DENND1B: variants seen among roughly 807,000 people sequenced by gnomAD.
DENND1B encodes the protein DENN domain containing 1B.
DENND1B carries 59 observed loss-of-function variants against 90.1 expected under a neutral mutation model. That is an observed-to-expected ratio of 0.65 (90% CI 0.53 to 0.81). The LOEUF (loss-of-function observed/expected upper bound fraction) is 0.81, where lower values mean the gene tolerates loss of function less well. Ranked by LOEUF, DENND1B falls within the 40% of genes least tolerant of loss-of-function variation. The probability of loss-of-function intolerance (pLI) is 0.00; values close to 1 mark genes in which losing one functional copy is unlikely to be tolerated. For missense variants in DENND1B, 862 were observed against 912.6 expected (o/e 0.94, Z 0.71); for synonymous variants, 337 against 324.6 (o/e 1.04, Z -0.41).
Position 197,643,276 on chromosome 1 carries a change from AC to A in DENND1B, c.562-456del, listed in dbSNP as rs965827776. Reference sequence around the variant, plus strand: ...TTCAGGTGATTTTCGTGCTTCAGCCACCAGAGTAGCTAGGATTACAGGTGCA... The same window carrying A: ...TTCAGGTGATTTTCGTGCTTCAGCCACAGAGTAGCTAGGATTACAGGTGCA... On this transcript the variant is annotated intron_variant, in intron 9 of 22. Coordinates refer to ENST00000620048, the MANE Select transcript of DENND1B (RefSeq NM_001195215.2). 4.7e-4 allele frequency among the ~76,000 whole-genome samples: 71 copies of A among 151,786 alleles called. 1 individual carries two copies. Among genetic ancestry groups the A allele is most frequent in the African/African-American group, 1.5e-3 (63 of 41,398 alleles).
chr1:197,704,597 A>G (rs1659341956), intron 3 of DENND1B, among the ~76,000 whole-genome samples: 1 of 152,190 alleles, frequency 6.6e-6, no homozygotes, highest in South Asian at 2.1e-4. Flanking sequence ...CTGAAATGCC[A>G]TGTCAGTTGT....
At chr1:197,653,782 T>C (rs1009720471) in intron 6 of DENND1B, among the ~76,000 whole-genome samples, 4 of 152,022 alleles carry the variant, frequency 2.6e-5, no homozygotes, top group Non-Finnish European at 5.9e-5. Context: ...AATTTATCAG[T>C]AAGAGTTACT....
chr1:197,516,169 A>G (rs1188591697), intron 20 of DENND1B, among the ~76,000 whole-genome samples: 1 of 151,902 alleles, frequency 6.6e-6, no homozygotes, highest in Non-Finnish European at 1.5e-5. Flanking sequence ...AAACAGAAGT[A>G]AAACTGATTA....
intron 7 of DENND1B, 107 bp from the exon 8 acceptor site, chr1:197,647,221 TA>T (rs749571730): frequency 1.1e-5 from 6 of 552,810 alleles, no homozygotes; most frequent in East Asian, 1.1e-4. Flanking sequence ...AGTTAGCCAC[TA>T]AAAAATACTT....
intron 1 of DENND1B, among the ~76,000 whole-genome samples, chr1:197,774,137 A>T (rs1255908499): frequency 6.6e-6 from 1 of 152,224 alleles, no homozygotes; most frequent in Non-Finnish European, 1.5e-5. Flanking sequence ...AATGTCAAGA[A>T]GCATACTATT....
intron 14 of DENND1B, among the ~76,000 whole-genome samples, chr1:197,592,625 T>C (rs1675335958): frequency 6.6e-6 from 1 of 151,908 alleles, no homozygotes; most frequent in Non-Finnish European, 1.5e-5. Context: ...TATAAGTAAA[T>C]GTGTGGAAGC....
At chr1:197,586,501 A>G (rs991932927) in intron 14 of DENND1B, among the ~76,000 whole-genome samples, 11 of 152,324 alleles carry the variant, frequency 7.2e-5, no homozygotes, top group Admixed American at 5.2e-4. Context: ...AAAATGTTTG[A>G]GAACCACTGA....
At chr1:197,630,243 T>C (rs769465261) in intron 10 of DENND1B, among the ~76,000 whole-genome samples, 1 of 152,100 alleles carries the variant, frequency 6.6e-6, no homozygotes. Flanking sequence ...CTCAGAGTAG[T>C]TAACTAATTA....
chr1:197,735,935 TAGAA>T, intron 2 of DENND1B: 1 of 1,490,314 alleles, frequency 6.7e-7, no homozygotes, highest in Non-Finnish European at 9.3e-7. Context: ...AACCTGAAGT[TAGAA>T]AGGCTCAACG....
At chr1:197,511,061 C>T (rs1260128132) in intron 22 of DENND1B, 89 bp from the exon 23 acceptor site, 25 of 1,253,550 alleles carry the variant, frequency 2.0e-5, no homozygotes, top group Admixed American at 3.5e-5. Context: ...ATGTTAATAG[C>T]GTTAAGTTCC....
chr1:197,719,145 G>A (rs1005098271), intron 2 of DENND1B, among the ~76,000 whole-genome samples: 2 of 152,132 alleles, frequency 1.3e-5, no homozygotes, highest in Non-Finnish European at 2.9e-5. Context: ...GAATGAGTGA[G>A]TATGATGAAA....
At chr1:197,669,363 A>C (rs1655261308) in intron 5 of DENND1B, among the ~76,000 whole-genome samples, 2 of 152,112 alleles carry the variant, frequency 1.3e-5, no homozygotes, top group African/African-American at 4.8e-5. Flanking sequence ...ACTCGGACTA[A>C]AAGCACCATA....
intron 2 of DENND1B, chr1:197,735,482 G>A: frequency 5.1e-6 from 8 of 1,559,078 alleles, no homozygotes; most frequent in Non-Finnish European, 5.2e-6. Context: ...TAGAAGAAGT[G>A]ATCTAAAGTT....
upstream of DENND1B, among the ~76,000 whole-genome samples, chr1:197,776,132 T>C (rs1558510789): frequency 6.6e-6 from 1 of 152,200 alleles, no homozygotes; most frequent in African/African-American, 2.4e-5. Context: ...TCTGGCAGTT[T>C]AGGCGAGTTC....
At chr1:197,679,077 G>T (rs542921585) in intron 3 of DENND1B, among the ~76,000 whole-genome samples, 3 of 151,844 alleles carry the variant, frequency 2.0e-5, no homozygotes, top group African/African-American at 7.2e-5. Flanking sequence ...TCACTATCAA[G>T]AATTTAAAAT....
At position 197,672,021 on chromosome 1, in the gene DENND1B, T is replaced by A; in HGVS notation, c.296+16A>T. The A allele has an allele frequency of 2.5e-6, 4 of 1,602,970 alleles. No individual in the cohort carries two copies. The highest frequency in any genetic ancestry group is 3.4e-6 in the Non-Finnish European group (4 of 1,175,318). ...TACCTATTTTGCATCTAATTTTTTT[T>A]ACTACAAATACTCACCTAAGGATGC... On this transcript the variant is annotated intron_variant, in intron 5 of 22. Transcript: ENST00000620048.
intron 18 of DENND1B, among the ~76,000 whole-genome samples, chr1:197,544,901 G>GA (rs1670634568): frequency 7.0e-6 from 1 of 143,694 alleles, no homozygotes; most frequent in South Asian, 2.3e-4. Context: ...AGAAGAAGAA[G>GA]AAAGAAGAAG....
At chr1:197,645,568 C>A in intron 9 of DENND1B, 122 bp downstream of exon 9, 1 of 489,154 alleles carries the variant, frequency 2.0e-6, no homozygotes, top group Non-Finnish European at 3.5e-6. Context: ...TTCATTATTT[C>A]TCACAAACAC....
chr1:197,537,271 G>A (rs754073113), intron 20 of DENND1B, among the ~76,000 whole-genome samples: 28 of 152,126 alleles, frequency 1.8e-4, no homozygotes, highest in Non-Finnish European at 4.0e-4. Context: ...GGAAAATCAT[G>A]TTAGAATTCT....
Sources: gnomAD v4.1 joint callset for allele counts (sites outside exome capture counted in the v4.1 genomes callset) on GRCh38, gnomAD v4.1.1 for gene constraint, MANE v1.5 for transcripts, NCBI Gene and HGNC (gene_info 2026-07-23, HGNC 2026-07-21) for gene names.